The following ANO3 variants were observed in gnomAD, a reference collection of about 807,000 sequenced individuals.
ANO3 encodes anoctamin 3.
In ANO3, 99 loss-of-function variants were observed where a neutral mutation model predicts 144.8. The observed-to-expected ratio is 0.68, with a 90% CI of 0.58 to 0.81. ANO3 has a LOEUF of 0.81. ANO3 is among the 30% of genes least tolerant of loss of function. The probability of loss-of-function intolerance (pLI) is 0.00; values close to 1 mark genes in which losing one functional copy is unlikely to be tolerated. For synonymous variants in ANO3, 414 were observed against 392.6 expected (o/e 1.05, Z -0.64); for missense variants, 905 against 1,202.2 (o/e 0.75, Z 3.66).
intron 1 of ANO3, among the ~76,000 whole-genome samples, chr11:26,258,986 T>C (rs1438807218): frequency 6.6e-6 from 1 of 152,192 alleles, no homozygotes; most frequent in Non-Finnish European, 1.5e-5. Flanking sequence ...GGAGTTTAGA[T>C]TGGGTTAACT....
chr11:26,489,989 T>A (rs554018506), intron 4 of ANO3, among the ~76,000 whole-genome samples: 1 of 152,154 alleles, frequency 6.6e-6, no homozygotes, highest in East Asian at 1.9e-4. Flanking sequence ...GAAGGCATGA[T>A]TGGTTTTAAA....
intron 1 of ANO3, among the ~76,000 whole-genome samples, chr11:26,278,541 C>T (rs1321956743): frequency 2.0e-5 from 3 of 152,022 alleles, no homozygotes; most frequent in Non-Finnish European, 4.4e-5. Flanking sequence ...TTGTCACTCA[C>T]GTAGGCTCAA....
At chr11:26,402,205 G>A (rs1857163990) in intron 1 of ANO3, among the ~76,000 whole-genome samples, 1 of 151,920 alleles carries the variant, frequency 6.6e-6, no homozygotes, top group Non-Finnish European at 1.5e-5. Flanking sequence ...TTTTCTTTGA[G>A]GAATTACCAC....
chr11:26,341,697 A>G (rs897086364), intron 1 of ANO3, among the ~76,000 whole-genome samples: 3 of 152,188 alleles, frequency 2.0e-5, no homozygotes, highest in Non-Finnish European at 4.4e-5. Context: ...TTGCAGAGCA[A>G]GGAAGCCAGT....
chr11:26,245,256 T>G (rs1192660205), intron 1 of ANO3, among the ~76,000 whole-genome samples: 1 of 152,156 alleles, frequency 6.6e-6, no homozygotes, highest in Non-Finnish European at 1.5e-5. Context: ...AATTTGAAAG[T>G]GATGTCCACA....
chr11:26,381,324 T>G (rs1218871257), intron 1 of ANO3, among the ~76,000 whole-genome samples: 1 of 152,158 alleles, frequency 6.6e-6, no homozygotes, highest in African/African-American at 2.4e-5. Flanking sequence ...GTTTTTTGTT[T>G]GTTTAGTTTT....
chr11:26,241,848 A>G (rs927741426), intron 1 of ANO3, among the ~76,000 whole-genome samples: 2 of 152,196 alleles, frequency 1.3e-5, no homozygotes, highest in African/African-American at 4.8e-5. Context: ...TTTCCTACCC[A>G]GGCAGTATCT....
chr11:26,629,979 A>C (rs1852724244), intron 18 of ANO3, among the ~76,000 whole-genome samples: 1 of 152,172 alleles, frequency 6.6e-6, no homozygotes, highest in Non-Finnish European at 1.5e-5. Context: ...TTTTAAGTAA[A>C]AATAGTTTGT....
intron 1 of ANO3, among the ~76,000 whole-genome samples, chr11:26,322,331 T>G (rs1033199013): frequency 6.6e-6 from 1 of 152,248 alleles, no homozygotes; most frequent in South Asian, 2.1e-4. Context: ...ATCTTAATAT[T>G]TGTATGTTTG....
Position 26,390,483 on chromosome 11 carries a change from C to T in ANO3, c.47-51435C>T, listed in dbSNP as rs142738133. 3.9e-3 allele frequency among the ~76,000 whole-genome samples: 591 copies of T among 152,078 alleles called. 2 individuals carry two copies. Among genetic ancestry groups the T allele is most frequent in the African/African-American group, 0.012 (480 of 41,486 alleles). On this transcript the variant is annotated intron_variant, in intron 1 of 26. Coordinates refer to ENST00000256737, the MANE Select transcript of ANO3 (RefSeq NM_031418.4). ...TTCTTAAAACAACATCTTCAATATC[C>T]ACCAGTGTATTTGGTAAGATAAGGA...
At chr11:26,271,671 T>A (rs1853441287) in intron 1 of ANO3, among the ~76,000 whole-genome samples, 1 of 150,444 alleles carries the variant, frequency 6.6e-6, no homozygotes, top group South Asian at 2.1e-4. Context: ...AGTTGATTTT[T>A]ATAAACACTA....
chr11:26,607,468 T>C (rs934878535), intron 17 of ANO3, among the ~76,000 whole-genome samples: 7 of 152,190 alleles, frequency 4.6e-5, no homozygotes, highest in African/African-American at 1.7e-4. Context: ...AATTGTAGGC[T>C]CTGTCTTTTT....
chr11:26,226,196 C>A (rs1401597582), intron 1 of ANO3, among the ~76,000 whole-genome samples: 1 of 151,910 alleles, frequency 6.6e-6, no homozygotes, highest in Non-Finnish European at 1.5e-5. Flanking sequence ...GCAAGAATGG[C>A]AAATTACATT....
upstream of ANO3, among the ~76,000 whole-genome samples, chr11:26,304,648 A>C (rs1213325198): frequency 6.6e-6 from 1 of 152,140 alleles, no homozygotes; most frequent in Non-Finnish European, 1.5e-5. Context: ...ATATTTCACC[A>C]TATCAGTACA....
intron 1 of ANO3, among the ~76,000 whole-genome samples, chr11:26,283,065 T>C (rs1853714379): frequency 6.6e-6 from 1 of 150,496 alleles, no homozygotes; most frequent in African/African-American, 2.5e-5. Context: ...TCTAAAATGG[T>C]TGATGAACTA....
intron 1 of ANO3, among the ~76,000 whole-genome samples, chr11:26,286,363 T>C (rs566323763): frequency 6.6e-6 from 1 of 152,352 alleles, no homozygotes; most frequent in East Asian, 1.9e-4. Flanking sequence ...GTCTGAATTC[T>C]GGCTGCACAG....
chr11:26,294,976 G>A (rs1854053000), intron 1 of ANO3, among the ~76,000 whole-genome samples: 1 of 151,950 alleles, frequency 6.6e-6, no homozygotes, highest in Admixed American at 6.5e-5. Flanking sequence ...TCTGCTCACT[G>A]CAACCTCCGC....
At chr11:26,645,251 T>A (rs1853308144) in intron 23 of ANO3, among the ~76,000 whole-genome samples, 1 of 152,122 alleles carries the variant, frequency 6.6e-6, no homozygotes, top group African/African-American at 2.4e-5. Context: ...TTAATCAATT[T>A]TTCCAAAACC....
chr11:26,361,786 T>C (rs1196236590), intron 1 of ANO3, among the ~76,000 whole-genome samples: 1 of 152,228 alleles, frequency 6.6e-6, no homozygotes, highest in East Asian at 1.9e-4. Flanking sequence ...ACAAACTCTT[T>C]ATTTAAGATT....
Sources: gnomAD v4.1 joint callset for allele counts (sites outside exome capture counted in the v4.1 genomes callset) on GRCh38, gnomAD v4.1.1 for gene constraint, MANE v1.5 for transcripts, NCBI Gene and HGNC (gene_info 2026-07-23, HGNC 2026-07-21) for gene names.